The following STARD13 variants were observed in gnomAD, a reference collection of about 807,000 sequenced individuals.
The protein encoded by STARD13 is stAR-related lipid transfer protein 13.
A neutral mutation model predicts 106.4 loss-of-function variants in STARD13; 62 were observed. The observed-to-expected ratio is 0.58, with a 90% CI of 0.48 to 0.72. The LOEUF (loss-of-function observed/expected upper bound fraction) is 0.72, where lower values mean the gene tolerates loss of function less well. STARD13 is among the 30% of genes least tolerant of loss of function. STARD13 has a pLI of 0.00. For synonymous variants in STARD13, 565 were observed against 553.0 expected (o/e 1.02, Z -0.31); for missense variants, 1,387 against 1,424.0 (o/e 0.97, Z 0.42).
the STARD13 span, among the ~76,000 whole-genome samples, chr13:33,415,934 C>T: frequency 6.6e-6 from 1 of 152,198 alleles, no homozygotes; most frequent in Non-Finnish European, 1.5e-5. Flanking sequence ...GCTTTCTCTG[C>T]TCTTAACAGT....
the STARD13 span, among the ~76,000 whole-genome samples, chr13:33,386,561 T>TG: frequency 2.0e-5 from 3 of 152,162 alleles, no homozygotes; most frequent in East Asian, 1.9e-4. Context: ...TGACCTCCTC[T>TG]GGGGGGGTCG....
chr13:33,303,952 C>G (rs1892811872), intron 1 of STARD13, among the ~76,000 whole-genome samples: 1 of 152,202 alleles, frequency 6.6e-6, no homozygotes, highest in African/African-American at 2.4e-5. Flanking sequence ...TCACCAGGAG[C>G]TTCTTGGAAA....
At chr13:33,346,004 G>A (rs898995147), downstream of STARD13, among the ~76,000 whole-genome samples, 7 of 152,312 alleles carry the variant, frequency 4.6e-5, no homozygotes, top group East Asian at 5.8e-4. Context: ...TAGCCACTTC[G>A]TATGTAGTCA....
intron 1 of STARD13, among the ~76,000 whole-genome samples, chr13:33,234,055 T>A (rs1889064335): frequency 6.6e-6 from 1 of 152,212 alleles, no homozygotes; most frequent in African/African-American, 2.4e-5. Context: ...GCCAAAGATA[T>A]GTATGATCAT....
the STARD13 span, among the ~76,000 whole-genome samples, chr13:33,465,453 C>A: frequency 2.0e-5 from 3 of 152,144 alleles, no homozygotes; most frequent in Non-Finnish European, 4.4e-5. Flanking sequence ...CCACCTGCCT[C>A]GGCCTCCCAA....
chr13:33,252,479 T>A (rs1239134196), intron 1 of STARD13, among the ~76,000 whole-genome samples: 1 of 152,224 alleles, frequency 6.6e-6, no homozygotes, highest in African/African-American at 2.4e-5. Context: ...CCCTTCCGCA[T>A]ACTTTCAAAT....
the STARD13 span, among the ~76,000 whole-genome samples, chr13:33,606,821 G>A: frequency 2.0e-5 from 3 of 152,166 alleles, no homozygotes; most frequent in Admixed American, 6.5e-5. Flanking sequence ...TGGAGGCTCC[G>A]GGGAGAATTC....
the STARD13 span, chr13:33,524,273 T>C: frequency 7.8e-7 from 1 of 1,280,570 alleles, no homozygotes; most frequent in Non-Finnish European, 1.0e-6. Flanking sequence ...GACATTTGGC[T>C]TGGCACACCA....
chr13:33,233,581 G>A (rs1256760005), intron 1 of STARD13, among the ~76,000 whole-genome samples: 1 of 152,152 alleles, frequency 6.6e-6, no homozygotes, highest in Non-Finnish European at 1.5e-5. Flanking sequence ...GATCTCCTTT[G>A]TCTTGGATGC....
At chr13:33,524,281 C>A in the STARD13 span, 2 of 1,280,516 alleles carry the variant, frequency 1.6e-6, no homozygotes, top group Non-Finnish European at 2.0e-6. Flanking sequence ...GCTTGGCACA[C>A]CATCAAGATT....
chr13:33,293,463 C>T (rs1363681479), intron 1 of STARD13, among the ~76,000 whole-genome samples: 1 of 152,112 alleles, frequency 6.6e-6, no homozygotes, highest in Non-Finnish European at 1.5e-5. Context: ...ATTCTTGTTG[C>T]TGATGATACA....
the STARD13 span, among the ~76,000 whole-genome samples, chr13:33,580,238 C>CA: frequency 3.3e-5 from 5 of 151,686 alleles, no homozygotes; most frequent in South Asian, 2.1e-4. Context: ...TATCAATCCA[C>CA]AAAAAATCAT....
Position 33,128,937 on chromosome 13 carries a change from C to T in STARD13, c.1740G>A (p.Arg580=). 1.9e-6 allele frequency: 3 copies of T among 1,607,454 alleles called. No homozygotes were observed. The highest frequency in any genetic ancestry group is 3.4e-5 in the Admixed American group (2 of 59,174). Reference sequence around the variant, plus strand: ...AAGTGCATGCCACCTACCTGTTTGGCCTGGTCAGAGAGGCCCCTACACCAG... The same window carrying T: ...AAGTGCATGCCACCTACCTGTTTGGTCTGGTCAGAGAGGCCCCTACACCAG... ...RDSGVGASLT[R]PNRRLRWNSF... Residue 580 remains arginine (R), a synonymous_variant, in exon 5 of 14, where the codon AGG becomes AGA. Coordinates refer to ENST00000336934, the MANE Select transcript of STARD13 (RefSeq NM_178006.4).
intron 1 of STARD13, among the ~76,000 whole-genome samples, chr13:33,205,072 A>G (rs1887318887): frequency 6.6e-6 from 1 of 152,250 alleles, no homozygotes; most frequent in Admixed American, 6.5e-5. Context: ...TTGGAATTAG[A>G]CGAATCCTGG....
At chr13:33,336,762 A>AAAAAAG (rs1485239752) in intron 1 of STARD13, 1 of 151,244 alleles carries the variant, frequency 6.6e-6, no homozygotes, top group Non-Finnish European at 1.5e-5. Flanking sequence ...TATCAGAAAA[A>AAAAAAG]AAAAAAAAAA....
chr13:33,128,347 C>A (rs1335594763), intron 5 of STARD13, among the ~76,000 whole-genome samples: 1 of 152,160 alleles, frequency 6.6e-6, no homozygotes, highest in Non-Finnish European at 1.5e-5. Flanking sequence ...GGTGACACAT[C>A]ACTGAACCAC....
At chr13:33,356,025 C>G in the STARD13 span, among the ~76,000 whole-genome samples, 1 of 152,228 alleles carries the variant, frequency 6.6e-6, no homozygotes, top group African/African-American at 2.4e-5. Context: ...TTTGAATCTT[C>G]AGGCTCAATG....
chr13:33,419,121 G>A, the STARD13 span, among the ~76,000 whole-genome samples: 3 of 152,308 alleles, frequency 2.0e-5, no homozygotes, highest in South Asian at 2.1e-4. Flanking sequence ...TGACTTTGAC[G>A]AGTGGACAGA....
the STARD13 span, among the ~76,000 whole-genome samples, chr13:33,528,231 T>TATATATATATACATATATATATATAC: frequency 9.2e-5 from 12 of 130,702 alleles, no homozygotes; most frequent in Admixed American, 3.0e-4. Flanking sequence ...TGTGTGTATA[T>TATATATATATACATATATATATATAC]ATATATATAT....
Sources: gnomAD v4.1 joint callset for allele counts (sites outside exome capture counted in the v4.1 genomes callset) on GRCh38, gnomAD v4.1.1 for gene constraint, MANE v1.5 for transcripts, NCBI Gene and HGNC (gene_info 2026-07-23, HGNC 2026-07-21) for gene names.